ANGPT2: variants seen among roughly 807,000 people sequenced by gnomAD.
The protein encoded by ANGPT2 is angiopoietin 2, also known as angiopoietin-2.
ANGPT2 carries 28 observed loss-of-function variants against 62.9 expected under a neutral mutation model. That is an observed-to-expected ratio of 0.44 (90% CI 0.33 to 0.61). The LOEUF (loss-of-function observed/expected upper bound fraction) is 0.61, where lower values mean the gene tolerates loss of function less well. Ranked by LOEUF, ANGPT2 falls within the 20% of genes least tolerant of loss-of-function variation. ANGPT2 has a pLI of 0.03. For missense variants in ANGPT2, 727 were observed against 594.9 expected, an observed-to-expected ratio of 1.22 and a Z score of -2.31; for synonymous variants, 284 against 207.8, an observed-to-expected ratio of 1.37 and a Z score of -3.15.
At chr8:6,558,043 T>A (rs1824934135) in intron 1 of ANGPT2, among the ~76,000 whole-genome samples, 1 of 152,172 alleles carries the variant, frequency 6.6e-6, no homozygotes, top group Non-Finnish European at 1.5e-5. Flanking sequence ...CACACGCACC[T>A]TTAGTTACCT....
intron 1 of ANGPT2, among the ~76,000 whole-genome samples, chr8:6,556,809 G>C (rs1824695588): frequency 6.6e-6 from 1 of 151,950 alleles, no homozygotes; most frequent in African/African-American, 2.4e-5. Context: ...GGCTGGTCTT[G>C]AACTCCTGGC....
At position 6,513,593 on chromosome 8, in the gene ANGPT2, A is replaced by T. The variant is rs13278243; in HGVS notation, c.1196+85T>A. ...CGTGATCTGCCCACCTCGGCCTCCCAAAGTGCTGGGATTACAGGCGTGAGC... is the reference window on the plus strand; with the variant it reads ...CGTGATCTGCCCACCTCGGCCTCCCTAAGTGCTGGGATTACAGGCGTGAGC... On this transcript the variant is annotated intron_variant, in intron 7 of 8. Coordinates refer to ENST00000629816, the MANE Select transcript of ANGPT2 (RefSeq NM_001118887.2). 1.3e-4 allele frequency: 155 copies of T among 1,158,780 alleles called. 1 individual carries two copies. The highest frequency in any genetic ancestry group is 1.8e-4 in the Non-Finnish European group (148 of 840,140). The allele number at this position is 1,158,780 out of a possible 1,614,324, so 71.8% of individuals were successfully genotyped here. A position where few individuals can be genotyped will look rare whatever the true frequency, so the allele number is the denominator to read the frequency against.
At chr8:6,509,123 A>G in intron 7 of ANGPT2, 61 bp from the exon 8 acceptor site, 1 of 1,574,326 alleles carries the variant, frequency 6.4e-7, no homozygotes, top group African/African-American at 1.4e-5. Flanking sequence ...CGTAGTGGCA[A>G]ATTTTTTGTG....
intron 7 of ANGPT2, among the ~76,000 whole-genome samples, chr8:6,509,739 C>T (rs1043474879): frequency 6.6e-6 from 1 of 152,166 alleles, no homozygotes; most frequent in Non-Finnish European, 1.5e-5. Flanking sequence ...ATTGAAAATG[C>T]ATGGAATACA....
chr8:6,508,528 T>A (rs1814258609), intron 8 of ANGPT2: 1 of 258,346 alleles, frequency 3.9e-6, no homozygotes, highest in Admixed American at 5.3e-5. Context: ...AACATTAAAT[T>A]ATTAGTTGGA....
At chr8:6,521,148 C>T (rs200653775) in intron 4 of ANGPT2, 30 bp downstream of exon 4, 47 of 1,584,566 alleles carry the variant, frequency 3.0e-5, no homozygotes, top group Middle Eastern at 3.4e-4. Context: ...AGGTTATTAA[C>T]GCTGAAGAAA....
intron 1 of ANGPT2, among the ~76,000 whole-genome samples, chr8:6,536,032 G>A (rs1004252191): frequency 6.6e-6 from 1 of 152,012 alleles, no homozygotes; most frequent in African/African-American, 2.4e-5. Flanking sequence ...ACTGCAGCTT[G>A]GGCGACAGAG....
At chr8:6,509,511 C>A (rs1273640689) in intron 7 of ANGPT2, among the ~76,000 whole-genome samples, 1 of 152,140 alleles carries the variant, frequency 6.6e-6, no homozygotes, top group Non-Finnish European at 1.5e-5. Flanking sequence ...GGAATGGCCA[C>A]TGAGTTTGGG....
intron 1 of ANGPT2, among the ~76,000 whole-genome samples, chr8:6,533,779 A>G (rs1040935644): frequency 6.6e-6 from 1 of 152,048 alleles, no homozygotes; most frequent in Non-Finnish European, 1.5e-5. Flanking sequence ...TTCTTTATAG[A>G]GAAACCATTC....
At chr8:6,508,599 T>G (rs1355480032) in intron 8 of ANGPT2, 1 of 459,128 alleles carries the variant, frequency 2.2e-6, no homozygotes, top group African/African-American at 2.0e-5. Context: ...ACTTTTTACA[T>G]AAAGCAAAAT....
chr8:6,552,490 G>A (rs1328847371), intron 1 of ANGPT2, among the ~76,000 whole-genome samples: 1 of 152,116 alleles, frequency 6.6e-6, no homozygotes, highest in Non-Finnish European at 1.5e-5. Flanking sequence ...ATAACTCTGA[G>A]GTATAGAAGT....
rs546840050 is a variant in ANGPT2, at chr8:6,504,087, G to A, written c.1328-826C>T. On this transcript the variant is annotated intron_variant, in intron 8 of 8. Coordinates refer to ENST00000629816, the MANE Select transcript of ANGPT2 (RefSeq NM_001118887.2). ...TAATCCCAGCACTTTGGGAGGCCGAGGTGGGTGGATCACGAGATCAGGAGA... is the reference window on the plus strand; with the variant it reads ...TAATCCCAGCACTTTGGGAGGCCGAAGTGGGTGGATCACGAGATCAGGAGA... Among the ~76,000 whole-genome samples, 414 of 152,210 alleles carry A rather than the reference G, an allele frequency of 2.7e-3. 1 individual carries two copies. Among genetic ancestry groups the A allele is most frequent in the African/African-American group, 9.8e-3 (406 of 41,544 alleles).
chr8:6,535,673 A>T (rs1340539276), intron 1 of ANGPT2, among the ~76,000 whole-genome samples: 1 of 152,228 alleles, frequency 6.6e-6, no homozygotes, highest in African/African-American at 2.4e-5. Flanking sequence ...TACTGACTGC[A>T]TTGCTAATTA....
chr8:6,532,014 C>G (rs1353586462), intron 2 of ANGPT2, among the ~76,000 whole-genome samples: 1 of 152,152 alleles, frequency 6.6e-6, no homozygotes, highest in African/African-American at 2.4e-5. Flanking sequence ...AAAATGATTC[C>G]CGGAGTCCAG....
intron 2 of ANGPT2, among the ~76,000 whole-genome samples, chr8:6,528,647 T>C (rs1267137013): frequency 1.3e-5 from 2 of 152,252 alleles, no homozygotes; most frequent in Non-Finnish European, 2.9e-5. Flanking sequence ...CCGCGGATTC[T>C]CTAGCGCCTG....
intron 3 of ANGPT2, among the ~76,000 whole-genome samples, chr8:6,524,854 T>A (rs1421123592): frequency 1.3e-5 from 2 of 152,192 alleles, no homozygotes; most frequent in East Asian, 3.9e-4. Context: ...CCCTGAGAAG[T>A]CACCTTTGGT....
chr8:6,500,111 G>A lies in ANGPT2; in HGVS notation c.*2990C>T. ...TTCGCGAGAACAAATGTGAGAACGT[G>A]AGACCATTGTGCAAAAAGTAGTGAG... On this transcript the variant is annotated 3_prime_UTR_variant, in exon 9 of 9. Transcript: ENST00000629816. The A allele has an allele frequency of 3.2e-6, 2 of 618,962 alleles. No homozygotes were observed. Among genetic ancestry groups the A allele is most frequent in the Non-Finnish European group, 5.8e-6 (2 of 345,364 alleles). 38.3% of individuals were successfully genotyped at this position (618,962 alleles called of 1,614,324 possible). A position where few individuals can be genotyped will look rare whatever the true frequency, so the allele number is the denominator to read the frequency against.
chr8:6,517,871 A>G lies in ANGPT2; in HGVS notation c.927+1993T>C, dbSNP rs139638776. Reference sequence around the variant, plus strand: ...GAGTCTTAAGTCTGGAAGGGAATTTAGAAGTAACAATTGACACCACTTATT... The same window carrying G: ...GAGTCTTAAGTCTGGAAGGGAATTTGGAAGTAACAATTGACACCACTTATT... On this transcript the variant is annotated intron_variant, in intron 5 of 8. Coordinates refer to ENST00000629816, the MANE Select transcript of ANGPT2 (RefSeq NM_001118887.2). 3.2e-4 allele frequency among the ~76,000 whole-genome samples: 48 copies of G among 152,348 alleles called. 2 individuals are homozygous for G. The highest frequency in any genetic ancestry group is 1.1e-3 in the African/African-American group (46 of 41,584).
At chr8:6,510,693 C>T (rs887834940) in intron 7 of ANGPT2, among the ~76,000 whole-genome samples, 1 of 152,112 alleles carries the variant, frequency 6.6e-6, no homozygotes. Context: ...GCAGCAAATG[C>T]CTCTGCCGTG....
Sources: gnomAD v4.1 joint callset for allele counts (sites outside exome capture counted in the v4.1 genomes callset) on GRCh38, gnomAD v4.1.1 for gene constraint, MANE v1.5 for transcripts, NCBI Gene and HGNC (gene_info 2026-07-23, HGNC 2026-07-21) for gene names.